Variants in ABCB11 observed in about 807,000 individuals in gnomAD.
ABCB11 encodes the protein ATP binding cassette subfamily B member 11, also known as bile salt export pump.
A neutral mutation model predicts 148.0 loss-of-function variants in ABCB11; 95 were observed. That is an observed-to-expected ratio of 0.64 (90% CI 0.54 to 0.76). The LOEUF (loss-of-function observed/expected upper bound fraction) is 0.76. Ranked by LOEUF, ABCB11 falls within the 30% of genes least tolerant of loss-of-function variation. The pLI, the probability that ABCB11 is intolerant of heterozygous loss-of-function variation, is 0.00. For synonymous variants in ABCB11, 591 were observed against 555.4 expected (o/e 1.06, Z -0.90); for missense variants, 1,523 against 1,617.8 (o/e 0.94, Z 1.01).
intron 26 of ABCB11, among the ~76,000 whole-genome samples, chr2:168,925,223 G>A (rs1691251692): frequency 6.6e-6 from 1 of 152,192 alleles, no homozygotes; most frequent in Non-Finnish European, 1.5e-5. Context: ...TGCTGTATTA[G>A]GGAGGCAGCA....
intron 19 of ABCB11, among the ~76,000 whole-genome samples, chr2:168,947,410 C>CCA (rs1692373616): frequency 1.3e-5 from 2 of 151,296 alleles, no homozygotes; most frequent in Non-Finnish European, 3.0e-5. Flanking sequence ...GGCACATTTT[C>CCA]CAAGTCAAAT....
At chr2:169,002,334 C>A (rs1694901356) in intron 5 of ABCB11, among the ~76,000 whole-genome samples, 1 of 152,130 alleles carries the variant, frequency 6.6e-6, no homozygotes, top group Non-Finnish European at 1.5e-5. Flanking sequence ...AAAGGGAACA[C>A]TTGTACACTG....
chr2:168,993,531 T>TTTA (rs1694609873), intron 8 of ABCB11, among the ~76,000 whole-genome samples, 180 bp downstream of exon 8: 1 of 152,092 alleles, frequency 6.6e-6, no homozygotes, highest in African/African-American at 2.4e-5. Context: ...TATTAAAACA[T>TTTA]CATTAATCCC....
chr2:168,979,083 T>C (rs749368774), intron 11 of ABCB11, among the ~76,000 whole-genome samples: 2 of 152,028 alleles, frequency 1.3e-5, no homozygotes, highest in Non-Finnish European at 2.9e-5. Context: ...ACCAGTAAAA[T>C]CCCTTTTTGC....
At chr2:168,990,674 C>T in intron 9 of ABCB11, 127 bp downstream of exon 9, 1 of 1,209,530 alleles carries the variant, frequency 8.3e-7, no homozygotes, top group Non-Finnish European at 1.2e-6. Flanking sequence ...TTAGCTCCCT[C>T]TTGAACAAGT....
Position 168,924,697 on chromosome 2 carries a change from A to G in ABCB11, c.3725T>C (p.Leu1242Pro), listed in dbSNP as rs1691226792. The change falls in exon 27 of 28, where the codon CTA becomes CCA. Residue 1242 changes from leucine (L) to proline (P), a missense_variant. Leu to Pro is a moderately conservative substitution (Grantham distance 98, BLOSUM62 -3). Coordinates refer to ENST00000650372, the MANE Select transcript of ABCB11 (RefSeq NM_003742.4). ...GTCTAAGGCAGAAGTGGCTTCATCT[A>G]GTAGCAAGATTTTAGGATCTCGTAC... ...AIVRDPKILL[L>P]DEATSALDTE... 6.2e-7 allele frequency: 1 copy of G among 1,613,812 alleles called. No homozygotes were observed. The highest frequency in any genetic ancestry group is 1.3e-5 in the African/African-American group (1 of 74,890).
chr2:168,936,123 T>C, intron 22 of ABCB11, 107 bp downstream of exon 22: 1 of 1,124,192 alleles, frequency 8.9e-7, no homozygotes, highest in South Asian at 1.6e-5. Context: ...TGTGCCTGTC[T>C]TGTGGGCTGA....
chr2:168,939,348 T>G (rs1446479121), intron 21 of ABCB11, among the ~76,000 whole-genome samples: 1 of 152,038 alleles, frequency 6.6e-6, no homozygotes, highest in Non-Finnish European at 1.5e-5. Context: ...AAACATTTGC[T>G]TACTATTATT....
intron 5 of ABCB11, among the ~76,000 whole-genome samples, chr2:169,012,305 C>T (rs1573976678): frequency 6.6e-6 from 1 of 152,148 alleles, no homozygotes; most frequent in South Asian, 2.1e-4. Context: ...ATGAGGCACA[C>T]TGCAAAGGCC....
Position 168,921,861 on chromosome 2 carries a change from T to C in ABCB11, c.*1761A>G, listed in dbSNP as rs1254718732. 7.0e-6 allele frequency among the ~76,000 whole-genome samples: 1 copy of C among 142,380 alleles called. No individual in the cohort carries two copies. Among genetic ancestry groups the C allele is most frequent in the African/African-American group, 2.9e-5 (1 of 33,916 alleles). 93.4% of individuals were successfully genotyped at this position (142,380 alleles called of 152,430 possible). ...TCCTTGACCTCTTTTCTTTTTCTTT[T>C]TCTTTTTTTTTTTTTTTCGCTCTGT... is the stretch of plus-strand genomic sequence containing the variant. On this transcript the variant is annotated 3_prime_UTR_variant, in exon 28 of 28. Transcript: ENST00000650372.
rs1693482556 is a variant in ABCB11 at position 168,969,633 on chromosome 2, G to A, written c.1810-82C>T. 3.2e-6 allele frequency: 4 copies of A among 1,252,258 alleles called. No individual in the cohort carries two copies. In the South Asian group the frequency reaches 5.5e-5, roughly 17 times the overall value. 77.6% of individuals were successfully genotyped at this position (1,252,258 alleles called of 1,614,324 possible). On this transcript the variant is annotated intron_variant, in intron 15 of 27. Transcript: ENST00000650372. ...CCTTTGCATCATTTCAGAATCCATAGGAAAGTTAGATCCTTGGTCCCTGGG... is the reference window on the plus strand; with the variant it reads ...CCTTTGCATCATTTCAGAATCCATAAGAAAGTTAGATCCTTGGTCCCTGGG...
At chr2:168,939,723 T>C (rs1254469308) in intron 21 of ABCB11, among the ~76,000 whole-genome samples, 2 of 152,216 alleles carry the variant, frequency 1.3e-5, no homozygotes, top group East Asian at 3.9e-4. Flanking sequence ...TTGCATTTTT[T>C]GCTTAGCAGA....
chr2:168,945,573 CAGA>C (rs1177581825), intron 19 of ABCB11, among the ~76,000 whole-genome samples: 2 of 141,962 alleles, frequency 1.4e-5, no homozygotes, highest in Non-Finnish European at 3.0e-5. Context: ...GAAGGAGGGA[CAGA>C]AGAAGGAAGA....
chr2:168,957,997 G>A lies in ABCB11; in HGVS notation c.2310C>T (p.Pro770=). The part of the protein sequence containing the change: ...VGAAVNGTVT[P]LYAFLFSQIL... ...TCTGGCTGAATAAAAAGGCATACAA[G>A]GGTGTGACTGTCCCGTTCACAGCTG... Residue 770 remains proline (P), a synonymous_variant, in exon 19 of 28, where the codon CCC becomes CCT. Coordinates refer to ENST00000650372, the MANE Select transcript of ABCB11 (RefSeq NM_003742.4). 6.2e-7 allele frequency: 1 copy of A among 1,604,374 alleles called. No individual in the cohort carries two copies. The highest frequency in any genetic ancestry group is 8.5e-7 in the Non-Finnish European group (1 of 1,172,934).
chr2:169,013,294 TGTTCTG>T lies in ABCB11; in HGVS notation c.361_366del (p.Gln121_Asn122del). ...TACCCACAACGTGTTCCATTTGTCA[TGTTCTG>T]GTTGAGGGAACTGTTAGTCCATACA... On this transcript the variant is annotated inframe_deletion, in exon 5 of 28. Coordinates refer to ENST00000650372, the MANE Select transcript of ABCB11 (RefSeq NM_003742.4). The T allele has an allele frequency of 6.2e-7, 1 of 1,612,678 alleles. No homozygotes were observed. The highest frequency in any genetic ancestry group is 1.3e-5 in the African/African-American group (1 of 75,022).
chr2:168,979,672 C>CAAAAAAAAAAAA (rs55859131), intron 11 of ABCB11, among the ~76,000 whole-genome samples, 194 bp downstream of exon 11: 1 of 100,146 alleles, frequency 1.0e-5, no homozygotes, highest in Non-Finnish European at 2.0e-5. Flanking sequence ...AACTCCATCT[C>CAAAAAAAAAAAA]AAAAAAAAAA....
chr2:169,011,109 T>C (rs77676634), intron 5 of ABCB11, among the ~76,000 whole-genome samples: 1 of 152,204 alleles, frequency 6.6e-6, no homozygotes, highest in African/African-American at 2.4e-5. Flanking sequence ...ATTCATTCTT[T>C]AATTCATTGG....
intron 23 of ABCB11, 44 bp from the exon 24 acceptor site, chr2:168,932,577 T>C (rs775031788): frequency 6.2e-7 from 1 of 1,600,812 alleles, no homozygotes; most frequent in Admixed American, 1.7e-5. Context: ...GGTGGCGTGG[T>C]TGGTGTGATG....
intron 21 of ABCB11, 58 bp from the exon 22 acceptor site, chr2:168,936,491 C>T (rs757404498): frequency 4.4e-5 from 68 of 1,533,132 alleles, no homozygotes; most frequent in Non-Finnish European, 6.0e-5. Flanking sequence ...TACCAATTAC[C>T]ATTACACAAA....
Sources: gnomAD v4.1 joint callset for allele counts (sites outside exome capture counted in the v4.1 genomes callset) on GRCh38, gnomAD v4.1.1 for gene constraint, MANE v1.5 for transcripts, NCBI Gene and HGNC (gene_info 2026-07-23, HGNC 2026-07-21) for gene names.